The following RBM33 variants were observed in gnomAD, a reference collection of about 807,000 sequenced individuals.
The protein encoded by RBM33 is RNA-binding protein 33.
Under a neutral mutation model 132.6 loss-of-function variants are expected in RBM33, and 28 were observed. That is an observed-to-expected ratio of 0.21 (90% CI 0.16 to 0.29). The LOEUF (loss-of-function observed/expected upper bound fraction) is 0.29. RBM33 is among the 10% of genes least tolerant of loss of function. The probability of loss-of-function intolerance (pLI) is 1.00; values close to 1 mark genes in which losing one functional copy is unlikely to be tolerated. For synonymous variants in RBM33, 634 were observed against 593.0 expected, an observed-to-expected ratio of 1.07 and a Z score of -1.01; for missense variants, 1,291 against 1,518.5, an observed-to-expected ratio of 0.85 and a Z score of 2.49.
intron 5 of RBM33, among the ~76,000 whole-genome samples, chr7:155,697,126 G>A (rs1799814294): frequency 6.6e-6 from 1 of 152,138 alleles, no homozygotes; most frequent in South Asian, 2.1e-4. Flanking sequence ...ACTAAGTGTA[G>A]GCTACCTTAA....
chr7:155,649,647 C>T (rs1263927518), intron 1 of RBM33, among the ~76,000 whole-genome samples: 1 of 152,046 alleles, frequency 6.6e-6, no homozygotes, highest in East Asian at 1.9e-4. Flanking sequence ...TTGTTGTGGC[C>T]TTCAGTTGTC....
chr7:155,722,792 A>G (rs971773586), intron 9 of RBM33, among the ~76,000 whole-genome samples: 1 of 152,236 alleles, frequency 6.6e-6, no homozygotes, highest in African/African-American at 2.4e-5. Flanking sequence ...TGAAAAAATC[A>G]TTTTAAAGAT....
In RBM33 at chr7:155,678,647, C is replaced by A; in HGVS notation, c.211C>A (p.Leu71Ile). The change falls in exon 4 of 18, where the codon CTT becomes ATT. Residue 71 changes from leucine to isoleucine, a missense_variant. Physicochemically the swap from Leu to Ile is conservative, Grantham distance 5. Transcript: ENST00000401878. ...GTCAGATGAAGAGCTAAATGATGATCTTTTGCAGAGTGATAATGAAGATGA... is the reference window on the plus strand; with the variant it reads ...GTCAGATGAAGAGCTAAATGATGATATTTTGCAGAGTGATAATGAAGATGA... ...DLSDEELNDD[L>I]LQSDNEDEEN... The A allele has an allele frequency of 1.9e-6, 3 of 1,582,192 alleles. No homozygotes were observed. Among genetic ancestry groups the A allele is most frequent in the Non-Finnish European group, 1.7e-6 (2 of 1,160,096 alleles).
Position 155,739,109 on chromosome 7 carries a change from A to G in RBM33, c.1738-606A>G, listed in dbSNP as rs567055538. 2.6e-5 allele frequency: 4 copies of G among 151,954 alleles called. No individual in the cohort carries two copies. In the East Asian group the frequency reaches 7.7e-4, roughly 29 times the overall value. The allele number at this position is 151,954 out of a possible 1,614,324, so 9.4% of individuals were successfully genotyped here. On this transcript the variant is annotated intron_variant, in intron 11 of 17. Transcript: ENST00000401878. ...ATCTAGGGTGTTAAAGGAAGATAAA[A>G]TGTTTTTAAGAATTTTTCTTTTTAT... is the stretch of plus-strand genomic sequence containing the variant.
At chr7:155,698,370 G>A (rs1799858681) in intron 5 of RBM33, among the ~76,000 whole-genome samples, 1 of 150,708 alleles carries the variant, frequency 6.6e-6, no homozygotes, top group Non-Finnish European at 1.5e-5. Context: ...CCATCTCAGG[G>A]AAAAAAAAAA....
intron 9 of RBM33, among the ~76,000 whole-genome samples, chr7:155,719,601 G>C (rs928259796): frequency 6.6e-6 from 1 of 152,054 alleles, no homozygotes; most frequent in African/African-American, 2.4e-5. Flanking sequence ...TATTTATTGG[G>C]TATCTATTTG....
rs771040983 is a variant in RBM33, at chr7:155,665,264, C to T, written c.122+11C>T. ...TGAGGACTGGGACAGGTACGTGCAC[C>T]CTGTGCTTCACCTAACTGCCTGTGC... On this transcript the variant is annotated intron_variant, in intron 2 of 17. Coordinates refer to ENST00000401878, the MANE Select transcript of RBM33 (RefSeq NM_053043.3). 54 of 1,612,050 alleles carry T rather than the reference C, an allele frequency of 3.3e-5. No individual in the cohort carries two copies. Among genetic ancestry groups the T allele is most frequent in the East Asian group, 1.6e-4 (7 of 44,850 alleles).
intron 5 of RBM33, among the ~76,000 whole-genome samples, chr7:155,691,489 T>A (rs969810349): frequency 1.3e-5 from 2 of 152,222 alleles, no homozygotes; most frequent in Non-Finnish European, 2.9e-5. Context: ...TTCCTTGTAA[T>A]TTATTTTAGT....
intron 1 of RBM33, among the ~76,000 whole-genome samples, chr7:155,660,081 A>G (rs944799347): frequency 6.6e-6 from 1 of 152,142 alleles, no homozygotes; most frequent in Non-Finnish European, 1.5e-5. Context: ...TAGCTTTTTC[A>G]GTTTTAGAGA....
chr7:155,771,124 T>G (rs549524990), intron 16 of RBM33, among the ~76,000 whole-genome samples: 22 of 152,164 alleles, frequency 1.4e-4, no homozygotes, highest in Non-Finnish European at 2.2e-4. Context: ...CTTACATAGG[T>G]CAGTATGTAG....
At chr7:155,769,407 C>A (rs1167536511) in intron 16 of RBM33, among the ~76,000 whole-genome samples, 1 of 152,176 alleles carries the variant, frequency 6.6e-6, no homozygotes, top group Non-Finnish European at 1.5e-5. Context: ...CCCGAGTCAG[C>A]TTTGCTCCCA....
intron 5 of RBM33, among the ~76,000 whole-genome samples, chr7:155,686,369 T>C (rs1039056519): frequency 5.9e-5 from 9 of 152,092 alleles, no homozygotes; most frequent in South Asian, 2.1e-4. Flanking sequence ...GAGAGAGAAG[T>C]AGACAGAAGA....
At chr7:155,700,704 T>C in intron 5 of RBM33, 69 bp from the exon 6 acceptor site, 1 of 1,107,002 alleles carries the variant, frequency 9.0e-7, no homozygotes, top group Non-Finnish European at 1.3e-6. Context: ...ATTTTAGCAT[T>C]CTTTAATATT....
At chr7:155,667,982 A>G (rs1423482401) in intron 2 of RBM33, among the ~76,000 whole-genome samples, 2 of 152,152 alleles carry the variant, frequency 1.3e-5, no homozygotes, top group African/African-American at 2.4e-5. Context: ...AAATCACAAA[A>G]TTTTTGAAAA....
At chr7:155,657,304 T>G (rs1798519804) in intron 1 of RBM33, among the ~76,000 whole-genome samples, 1 of 152,096 alleles carries the variant, frequency 6.6e-6, no homozygotes, top group Non-Finnish European at 1.5e-5. Flanking sequence ...TGATGCACAG[T>G]GTGAGATGAA....
chr7:155,669,893 T>C (rs17837563), intron 2 of RBM33, among the ~76,000 whole-genome samples: 3,317 of 152,198 alleles, frequency 0.022, 128 homozygotes, highest in African/African-American at 0.076. Context: ...TGCGTCCCAA[T>C]GGGCGAATCC....
chr7:155,702,294 A>G (rs936563729), intron 6 of RBM33, among the ~76,000 whole-genome samples: 7 of 152,234 alleles, frequency 4.6e-5, no homozygotes, highest in African/African-American at 1.7e-4. Context: ...GCAGTAGTCA[A>G]CCAATATTAT....
chr7:155,711,113 T>C, intron 7 of RBM33, 90 bp from the exon 8 acceptor site: 1 of 1,413,958 alleles, frequency 7.1e-7, no homozygotes, highest in Non-Finnish European at 9.3e-7. Context: ...TTGTAACACA[T>C]CAGCATTCTT....
At chr7:155,717,738 C>T (rs1338265074) in intron 8 of RBM33, among the ~76,000 whole-genome samples, 1 of 152,188 alleles carries the variant, frequency 6.6e-6, no homozygotes, top group East Asian at 1.9e-4. Flanking sequence ...AGGTGTGAAA[C>T]TTACATCTAG....
Sources: allele counts gnomAD v4.1 joint callset (sites outside exome capture counted in the v4.1 genomes callset), GRCh38; gene constraint gnomAD v4.1.1; transcripts MANE v1.5; gene names NCBI Gene and HGNC (gene_info 2026-07-23, HGNC 2026-07-21).